The following ABR variants were observed in gnomAD, a reference collection of about 807,000 sequenced individuals.
ABR encodes the protein ABR activator of RhoGEF and GTPase.
A neutral mutation model predicts 107.2 loss-of-function variants in ABR; 35 were observed. That is an observed-to-expected ratio of 0.33 (90% CI 0.25 to 0.43). ABR has a LOEUF of 0.43. ABR is among the 20% of genes least tolerant of loss of function. The pLI is 1.00. For missense variants in ABR, 815 were observed against 1,115.2 expected (o/e 0.73, Z 3.83); for synonymous variants, 498 against 462.0 (o/e 1.08, Z -1.00).
In ABR at chr17:1,011,880, C is replaced by G; in HGVS notation, c.2067G>C (p.Thr689=). 6.3e-7 allele frequency: 1 copy of G among 1,598,718 alleles called. No homozygotes were observed. Among genetic ancestry groups the G allele is most frequent in the South Asian group, 1.1e-5 (1 of 90,030 alleles). Residue 689 remains threonine (T), a synonymous_variant, in exon 19 of 23, where the codon ACG becomes ACC. Transcript: ENST00000302538. The surrounding 1 kb of genome is among the most constrained non-coding windows in gnomAD (Gnocchi z 4.8). ...VGIYRISGVA[T]DIQALKAVFD... is the part of the protein sequence containing the mutation. ...AGACGGCCTTGAGCGCCTGGATGTC[C>G]GTGGCCACGCCCGATATCCTGTAGA...
chr17:1,049,927 A>C, intron 16 of ABR, 123 bp downstream of exon 16: 1 of 1,358,606 alleles, frequency 7.4e-7, no homozygotes, highest in Non-Finnish European at 9.9e-7. Flanking sequence ...CCTCCTGGGA[A>C]CTTTCCTCCA....
chr17:1,108,889 G>A, intron 2 of ABR: 4 of 1,537,386 alleles, frequency 2.6e-6, no homozygotes, highest in East Asian at 2.6e-5. Context: ...CTTCGGCAGC[G>A]CCGGCCCGGC....
intron 4 of ABR, 154 bp from the exon 5 acceptor site, chr17:1,083,781 T>C (rs865926859): frequency 7.6e-6 from 5 of 654,082 alleles, no homozygotes; most frequent in Non-Finnish European, 1.1e-5. Context: ...GGGATGAACA[T>C]ATTACAGTGT....
chr17:1,143,264 A>G (rs113686167), intron 1 of ABR, among the ~76,000 whole-genome samples: 9 of 16,766 alleles, frequency 5.4e-4, no homozygotes, highest in East Asian at 2.2e-3. Context: ...TTCCTGGGGG[A>G]CAGCTCGCTC....
chr17:1,161,230 G>A (rs528832064), intron 1 of ABR, among the ~76,000 whole-genome samples: 6 of 147,716 alleles, frequency 4.1e-5, no homozygotes, highest in African/African-American at 7.5e-5. Flanking sequence ...GGAAATCCCC[G>A]TCACCCACAA....
At chr17:1,103,228 A>G (rs2038022926) in intron 2 of ABR, among the ~76,000 whole-genome samples, 1 of 152,060 alleles carries the variant, frequency 6.6e-6, no homozygotes, top group South Asian at 2.1e-4. Context: ...GGCAGGTGTT[A>G]TCATCTTCCT....
intron 16 of ABR, among the ~76,000 whole-genome samples, chr17:1,046,334 C>T (rs573934841): frequency 8.6e-5 from 12 of 139,436 alleles, no homozygotes; most frequent in East Asian, 2.0e-4. Context: ...AACAGGGTTT[C>T]GCCATGTTGG....
At chr17:1,012,050 A>G in intron 18 of ABR, 65 bp from the exon 19 acceptor site, 2 of 1,600,070 alleles carry the variant, frequency 1.2e-6, no homozygotes, top group Non-Finnish European at 1.7e-6. Flanking sequence ...AGCAACCCCC[A>G]CCCAGCACAC....
intron 1 of ABR, among the ~76,000 whole-genome samples, chr17:1,196,822 G>A (rs907708408): frequency 6.6e-6 from 1 of 151,892 alleles, no homozygotes; most frequent in African/African-American, 2.4e-5. Context: ...AGCCTCCCGA[G>A]TAGCTGGGAC....
chr17:1,049,006 C>T (rs1335027304), intron 16 of ABR, among the ~76,000 whole-genome samples: 1 of 152,168 alleles, frequency 6.6e-6, no homozygotes. Flanking sequence ...AGCGGCTCCA[C>T]CACGTCACGC....
At chr17:1,130,165 C>A (rs890074329) in intron 1 of ABR, among the ~76,000 whole-genome samples, 1 of 152,140 alleles carries the variant, frequency 6.6e-6, no homozygotes, top group African/African-American at 2.4e-5. Context: ...GACTGGTACT[C>A]GCCAGCTTCC....
At chr17:1,209,531 C>T (rs2042863138) in intron 1 of ABR, among the ~76,000 whole-genome samples, 1 of 152,168 alleles carries the variant, frequency 6.6e-6, no homozygotes, top group East Asian at 1.9e-4. Context: ...CCTGTCTCGG[C>T]CTCCCAGTGA....
chr17:1,011,341 G>T lies in ABR; in HGVS notation c.2102-478C>A, dbSNP rs1301791312. Reference sequence around the variant, plus strand: ...CCAGGCTCCCCACGGATTCATCCCTGCCTGGCCAGTGCAGGTTTCTTGACA... The same window carrying T: ...CCAGGCTCCCCACGGATTCATCCCTTCCTGGCCAGTGCAGGTTTCTTGACA... On this transcript the variant is annotated intron_variant, in intron 19 of 22. Transcript: ENST00000302538. The surrounding 1 kb of genome is among the most constrained non-coding windows in gnomAD (Gnocchi z 4.8). The T allele has an allele frequency of 5.5e-6, 1 of 181,552 alleles. No individual in the cohort carries two copies. The highest frequency in any genetic ancestry group is 1.2e-5 in the Non-Finnish European group (1 of 85,638). The allele number at this position is 181,552 out of a possible 1,614,324, so 11.2% of individuals were successfully genotyped here. A position where few individuals can be genotyped will look rare whatever the true frequency, so the allele number is the denominator to read the frequency against.
At position 1,154,920 on chromosome 17, in the gene ABR, G is replaced by C. The variant is rs2040981632; in HGVS notation, c.61+24747C>G. 6.6e-6 allele frequency: 1 copy of C among 152,212 alleles called. No homozygotes were observed. Among genetic ancestry groups the C allele is most frequent in the Non-Finnish European group, 1.5e-5 (1 of 68,088 alleles). 9.4% of individuals were successfully genotyped at this position (152,212 alleles called of 1,614,324 possible). A position where few individuals can be genotyped will look rare whatever the true frequency, so the allele number is the denominator to read the frequency against. ...CAAGGCATCCACCCAATCCTGGCGG[G>C]GCCTCAGCACAAACAGGGCCTGCTC... On this transcript the variant is annotated intron_variant, in intron 1 of 22. Coordinates refer to ENST00000302538, the MANE Select transcript of ABR (RefSeq NM_021962.5). The surrounding 1 kb of genome is among the most constrained non-coding windows in gnomAD (Gnocchi z 4.0).
At chr17:1,072,349 C>T (rs964751862) in intron 8 of ABR, among the ~76,000 whole-genome samples, 1 of 152,080 alleles carries the variant, frequency 6.6e-6, no homozygotes, top group Non-Finnish European at 1.5e-5. Flanking sequence ...AGGCAGGAGG[C>T]ACCCGGTGCC....
At chr17:1,133,019 G>A (rs1399900639) in intron 1 of ABR, among the ~76,000 whole-genome samples, 2 of 152,120 alleles carry the variant, frequency 1.3e-5, no homozygotes, top group African/African-American at 2.4e-5. Flanking sequence ...GAAGTGGACG[G>A]ATCACCTGAG....
At chr17:1,020,789 C>T (rs1333556483) in intron 16 of ABR, among the ~76,000 whole-genome samples, 1 of 152,180 alleles carries the variant, frequency 6.6e-6, no homozygotes, top group Non-Finnish European at 1.5e-5. Context: ...CCTGGGGATG[C>T]CCCTGAGGGT....
chr17:1,031,745 G>GGA, intron 16 of ABR: 11 of 1,199,190 alleles, frequency 9.2e-6, no homozygotes, highest in Non-Finnish European at 1.1e-5. Flanking sequence ...CGGTCATGCC[G>GGA]GGGGGGACGG....
intron 16 of ABR, among the ~76,000 whole-genome samples, chr17:1,045,335 T>C (rs113074047): frequency 2.6e-4 from 39 of 149,578 alleles, no homozygotes; most frequent in African/African-American, 7.3e-4. Context: ...CATCTTCTTA[T>C]AGCAGGACAA....
Sources: gnomAD v4.1 joint callset for allele counts (sites outside exome capture counted in the v4.1 genomes callset) on GRCh38, gnomAD v4.1.1 for gene constraint, Gnocchi (gnomAD v3.1) non-coding constraint, MANE v1.5 for transcripts, NCBI Gene and HGNC (gene_info 2026-07-23, HGNC 2026-07-21) for gene names.